Variants in SEMA5B observed in about 807,000 individuals in gnomAD.
SEMA5B encodes the protein semaphorin-5B.
In SEMA5B, 66 loss-of-function variants were observed where a neutral mutation model predicts 135.0. That is an observed-to-expected ratio of 0.49 (90% confidence interval 0.40 to 0.60). The LOEUF (loss-of-function observed/expected upper bound fraction) is 0.60, where lower values mean the gene tolerates loss of function less well. Ranked by LOEUF, SEMA5B falls within the 20% of genes least tolerant of loss-of-function variation. The pLI, the probability that SEMA5B is intolerant of heterozygous loss-of-function variation, is 0.00. For missense variants in SEMA5B, 1,501 were observed against 1,566.3 expected (o/e 0.96, Z 0.70); for synonymous variants, 690 against 639.5 (o/e 1.08, Z -1.19).
intron 5 of SEMA5B, among the ~76,000 whole-genome samples, chr3:122,934,739 G>T (rs902636251): frequency 6.6e-6 from 1 of 152,090 alleles, no homozygotes; most frequent in Non-Finnish European, 1.5e-5. Context: ...ATCCCAGCCT[G>T]GTATGGTGGC....
chr3:122,947,929 T>C (rs2107549119), intron 3 of SEMA5B, among the ~76,000 whole-genome samples: 1 of 152,228 alleles, frequency 6.6e-6, no homozygotes. Flanking sequence ...TTAGAATGTA[T>C]ATACTAATTT....
intron 1 of SEMA5B, among the ~76,000 whole-genome samples, chr3:123,000,163 G>A (rs1007056702): frequency 6.6e-6 from 1 of 152,196 alleles, no homozygotes; most frequent in African/African-American, 2.4e-5. Flanking sequence ...AGCCAAGATT[G>A]AGTCACTGCA....
intron 4 of SEMA5B, among the ~76,000 whole-genome samples, chr3:122,940,309 C>A (rs967356932): frequency 1.3e-5 from 2 of 152,154 alleles, no homozygotes; most frequent in Admixed American, 6.5e-5. Flanking sequence ...AGGGAGAATT[C>A]CAGCTCAGCC....
chr3:122,931,773 T>TGTTGTG (rs1938985017), intron 5 of SEMA5B, among the ~76,000 whole-genome samples: 1 of 152,244 alleles, frequency 6.6e-6, no homozygotes, highest in Admixed American at 6.5e-5. Context: ...GCCATTGACA[T>TGTTGTG]CATCCTGCAA....
chr3:122,930,889 T>G (rs1380342005), intron 5 of SEMA5B, among the ~76,000 whole-genome samples: 1 of 152,136 alleles, frequency 6.6e-6, no homozygotes, highest in African/African-American at 2.4e-5. Flanking sequence ...CTCCAGACAA[T>G]TGACACCAGA....
chr3:122,977,975 T>G (rs1340192494), intron 1 of SEMA5B, among the ~76,000 whole-genome samples: 1 of 152,226 alleles, frequency 6.6e-6, no homozygotes, highest in African/African-American at 2.4e-5. Flanking sequence ...GCAAGGCATC[T>G]GAGCCAGGGC....
At chr3:122,985,736 G>A (rs1941677647) in intron 1 of SEMA5B, among the ~76,000 whole-genome samples, 1 of 152,108 alleles carries the variant, frequency 6.6e-6, no homozygotes, top group African/African-American at 2.4e-5. Context: ...GAAAGCTAGG[G>A]GATCTCCCAA....
intron 5 of SEMA5B, among the ~76,000 whole-genome samples, chr3:122,932,337 T>G (rs2107668228): frequency 7.2e-6 from 1 of 138,714 alleles, no homozygotes; most frequent in Middle Eastern, 3.7e-3. Flanking sequence ...CACTGCGGCC[T>G]CAACCTCCTG....
chr3:122,948,727 A>T lies in SEMA5B; in HGVS notation c.125-18T>A. 6.4e-7 allele frequency: 1 copy of T among 1,568,934 alleles called. No homozygotes were observed. The highest frequency in any genetic ancestry group is 8.7e-7 in the Non-Finnish European group (1 of 1,149,378). ...GAGAAGACCTGCAACGTAAACACTC[A>T]GTCTCACCAAGCGCTCCCTCCAACT... On this transcript the variant is annotated intron_variant, in intron 2 of 22. Coordinates refer to ENST00000357599, the MANE Select transcript of SEMA5B (RefSeq NM_001031702.4).
At chr3:123,008,839 CT>C (rs1478192063) in intron 1 of SEMA5B, among the ~76,000 whole-genome samples, 1 of 152,056 alleles carries the variant, frequency 6.6e-6, no homozygotes, top group Admixed American at 6.6e-5. Context: ...GGGGTTTTCC[CT>C]GGGCTCAGGG....
chr3:122,994,398 A>C (rs1941973223), intron 1 of SEMA5B, among the ~76,000 whole-genome samples: 1 of 152,172 alleles, frequency 6.6e-6, no homozygotes, highest in Non-Finnish European at 1.5e-5. Flanking sequence ...CTTCTTTGCA[A>C]ACAATTATAG....
At position 122,922,244 on chromosome 3, in the gene SEMA5B, G is replaced by A. The variant is rs770124937; in HGVS notation, c.1476C>T (p.Gly492=). The change falls in exon 11 of 23, where the codon GGC becomes GGT. Residue 492 remains glycine (G), a synonymous_variant. Coordinates refer to ENST00000357599, the MANE Select transcript of SEMA5B (RefSeq NM_001031702.4). ...KDTLYHVLYI[G]TESGTILKAL... ...GGTTGGACCGGGCCGGCTCACCGGT[G>A]CCAATGTAGAGTACATGGTAGAGCG... 1.2e-6 allele frequency: 2 copies of A among 1,611,134 alleles called. No homozygotes were observed. The highest frequency in any genetic ancestry group is 1.7e-5 in the Admixed American group (1 of 59,938).
intron 5 of SEMA5B, among the ~76,000 whole-genome samples, chr3:122,934,525 TCAATAAAAAATTGCA>T (rs532577904): frequency 6.8e-4 from 103 of 152,296 alleles, no homozygotes; most frequent in Non-Finnish European, 1.1e-3. Context: ...CGAGGTTTCT[TCAATAAAAAATTGCA>T]CAATAAAAAA....
At chr3:122,917,850 G>A (rs560031649) in intron 12 of SEMA5B, among the ~76,000 whole-genome samples, 1 of 152,184 alleles carries the variant, frequency 6.6e-6, no homozygotes, top group Non-Finnish European at 1.5e-5. Context: ...TGATTTGAGG[G>A]TGTTTTATCA....
chr3:122,911,461 G>A lies in SEMA5B; in HGVS notation c.3091+30C>T, dbSNP rs766335288. 5.4e-5 allele frequency: 87 copies of A among 1,597,220 alleles called. 1 individual carries two copies. Among genetic ancestry groups the A allele is most frequent in the Non-Finnish European group, 6.4e-5 (75 of 1,172,926 alleles). On this transcript the variant is annotated intron_variant, in intron 21 of 22. Coordinates refer to ENST00000357599, the MANE Select transcript of SEMA5B (RefSeq NM_001031702.4). ...GGGGTGCCGGAGGGCTGGGAGGACC[G>A]CAGCATGAGGTAGGTCCGGTTTCTT...
At chr3:122,983,283 AT>A (rs11391430) in intron 1 of SEMA5B, among the ~76,000 whole-genome samples, 2 of 151,410 alleles carry the variant, frequency 1.3e-5, no homozygotes, top group East Asian at 1.9e-4. Flanking sequence ...GTTTTGTTTC[AT>A]TTTTTTTCTC....
intron 2 of SEMA5B, among the ~76,000 whole-genome samples, chr3:122,960,293 G>A (rs1940517725): frequency 6.6e-6 from 1 of 152,210 alleles, no homozygotes; most frequent in Non-Finnish European, 1.5e-5. Flanking sequence ...AGAGATGGAT[G>A]GTGGTGATGC....
chr3:122,910,172 G>A lies in SEMA5B; in HGVS notation c.3427C>T (p.Pro1143Ser). 1 of 1,614,208 alleles carries A rather than the reference G, an allele frequency of 6.2e-7. No homozygotes were observed. The highest frequency in any genetic ancestry group is 1.1e-5 in the South Asian group (1 of 91,080). The change falls in exon 23 of 23, where the codon CCT becomes TCT. Residue 1143 changes from proline to serine, a missense_variant. This residue lies in a region of SEMA5B where 927 missense variants were observed against 881.6 expected (regional missense o/e 1.05). Coordinates refer to ENST00000357599, the MANE Select transcript of SEMA5B (RefSeq NM_001031702.4). ...NKHSFRPEAS[P>S]GQRCFPNS ...CTGTTGGGGAAGCACCGTTGTCCAG[G>A]TGAGGCCTCGGGCCGGAAGCTGTGT...
chr3:122,915,943 G>T, intron 12 of SEMA5B, 53 bp from the exon 13 acceptor site: 1 of 1,374,684 alleles, frequency 7.3e-7, no homozygotes, highest in Non-Finnish European at 1.0e-6. Context: ...AGCCTCACCT[G>T]CATCTCAGGA....
Sources: gnomAD v4.1 joint callset for allele counts (sites outside exome capture counted in the v4.1 genomes callset) on GRCh38, gnomAD v4.1.1 for gene constraint, gnomAD v4.1.1 regional missense constraint, MANE v1.5 for transcripts, NCBI Gene and HGNC (gene_info 2026-07-23, HGNC 2026-07-21) for gene names.